AK5: variants seen among roughly 807,000 people sequenced by gnomAD.
AK5 encodes the protein adenylate kinase isoenzyme 5.
In AK5, 27 loss-of-function variants were observed where a neutral mutation model predicts 69.5. The observed-to-expected ratio is 0.39, with a 90% confidence interval of 0.29 to 0.54. The LOEUF (loss-of-function observed/expected upper bound fraction) is 0.54. Ranked by LOEUF, AK5 falls within the 20% of genes least tolerant of loss-of-function variation. The probability of loss-of-function intolerance (pLI) is 0.71; values close to 1 mark genes in which losing one functional copy is unlikely to be tolerated. For synonymous variants in AK5, 260 were observed against 244.4 expected, an observed-to-expected ratio of 1.06 and a Z score of -0.60; for missense variants, 531 against 700.4, an observed-to-expected ratio of 0.76 and a Z score of 2.73.
At chr1:77,446,084 T>C (rs764711849) in intron 8 of AK5, among the ~76,000 whole-genome samples, 2 of 152,232 alleles carry the variant, frequency 1.3e-5, no homozygotes, top group South Asian at 4.1e-4. Flanking sequence ...GGGTCTCTTA[T>C]CCATTTTGAG....
At chr1:77,533,457 A>C (rs544193977) in intron 12 of AK5, among the ~76,000 whole-genome samples, 158 of 141,798 alleles carry the variant, frequency 1.1e-3, no homozygotes, top group South Asian at 4.2e-3. Flanking sequence ...CAGAGGTTGC[A>C]GTGATCACAT....
intron 10 of AK5, among the ~76,000 whole-genome samples, chr1:77,509,580 CAACATA>C (rs1557644293): frequency 1.3e-5 from 2 of 152,092 alleles, no homozygotes; most frequent in Admixed American, 6.5e-5. Context: ...AACCTTAACC[CAACATA>C]GGGACCTATT....
At chr1:77,481,888 A>G (rs984034203) in intron 8 of AK5, among the ~76,000 whole-genome samples, 8 of 152,232 alleles carry the variant, frequency 5.3e-5, no homozygotes, top group African/African-American at 1.9e-4. Context: ...GAAACTACTC[A>G]CTGATCCATC....
chr1:77,530,002 T>C (rs1040837912), intron 12 of AK5, among the ~76,000 whole-genome samples: 1 of 152,354 alleles, frequency 6.6e-6, no homozygotes. Flanking sequence ...CTTACTACTC[T>C]CAACTATCTC....
chr1:77,518,480 T>C, intron 10 of AK5, 84 bp from the exon 11 acceptor site: 2 of 1,436,202 alleles, frequency 1.4e-6, no homozygotes, highest in Non-Finnish European at 1.9e-6. Flanking sequence ...ACTGGAACAC[T>C]GAGGCTTGCT....
chr1:77,491,028 T>C (rs1040731151), intron 10 of AK5, among the ~76,000 whole-genome samples: 6 of 152,194 alleles, frequency 3.9e-5, no homozygotes, highest in African/African-American at 1.4e-4. Flanking sequence ...GCCATAGCTT[T>C]CAATGTGTCT....
At chr1:77,535,558 A>C (rs1194451577) in intron 12 of AK5, among the ~76,000 whole-genome samples, 3 of 152,124 alleles carry the variant, frequency 2.0e-5, no homozygotes, top group African/African-American at 7.2e-5. Flanking sequence ...CTTTCTTCTC[A>C]GTGCAGAAGA....
chr1:77,380,514 G>A (rs1242917717), intron 6 of AK5, among the ~76,000 whole-genome samples: 2 of 152,174 alleles, frequency 1.3e-5, no homozygotes, highest in Non-Finnish European at 2.9e-5. Flanking sequence ...CATTTACAAT[G>A]TACAACACAT....
At chr1:77,554,713 C>T (rs1365561075) in intron 13 of AK5, among the ~76,000 whole-genome samples, 2 of 151,934 alleles carry the variant, frequency 1.3e-5, no homozygotes, top group Admixed American at 6.6e-5. Context: ...TCACGCCATT[C>T]TCCTGCCTGA....
intron 5 of AK5, among the ~76,000 whole-genome samples, chr1:77,330,198 A>G (rs1661014907): frequency 6.6e-6 from 1 of 152,172 alleles, no homozygotes; most frequent in African/African-American, 2.4e-5. Context: ...TCTTACTCTT[A>G]ATGGAGTATT....
intron 13 of AK5, among the ~76,000 whole-genome samples, chr1:77,554,771 A>ATTTTTTTTTT (rs1230738530): frequency 1.2e-4 from 14 of 119,654 alleles, no homozygotes; most frequent in Admixed American, 2.7e-4. Flanking sequence ...ATGCCCGGCT[A>ATTTTTTTTTT]TTTTTTTTTT....
intron 10 of AK5, among the ~76,000 whole-genome samples, chr1:77,509,794 C>T (rs1351155436): frequency 6.6e-6 from 1 of 152,166 alleles, no homozygotes; most frequent in East Asian, 1.9e-4. Context: ...TTTGTAAGCT[C>T]ATGGAATTTT....
intron 7 of AK5, among the ~76,000 whole-genome samples, chr1:77,412,206 G>T (rs946370643): frequency 6.6e-6 from 1 of 152,152 alleles, no homozygotes; most frequent in Middle Eastern, 3.2e-3. Context: ...CTCCCTAGCG[G>T]TGTTTCTCCA....
chr1:77,558,742 C>A lies in AK5; in HGVS notation c.*72C>A. 1 of 1,120,666 alleles carries A rather than the reference C, an allele frequency of 8.9e-7. No individual in the cohort carries two copies. The highest frequency in any genetic ancestry group is 1.4e-6 in the Non-Finnish European group (1 of 739,516). The allele number at this position is 1,120,666 out of a possible 1,614,324, so 69.4% of individuals were successfully genotyped here. A position where few individuals can be genotyped will look rare whatever the true frequency, so the allele number is the denominator to read the frequency against. On this transcript the variant is annotated 3_prime_UTR_variant, in exon 14 of 14. Transcript: ENST00000354567. Reference sequence around the variant, plus strand: ...AAGTTCATTCCTTAACACAATGTTTCAAGTTAAACCTTTTGTGTCACCGCC... The same window carrying A: ...AAGTTCATTCCTTAACACAATGTTTAAAGTTAAACCTTTTGTGTCACCGCC...
At chr1:77,518,280 T>A (rs951165060) in intron 10 of AK5, among the ~76,000 whole-genome samples, 3 of 152,212 alleles carry the variant, frequency 2.0e-5, no homozygotes, top group African/African-American at 7.2e-5. Context: ...ACTAACTGCC[T>A]GTGACCATGG....
At chr1:77,325,707 A>G (rs7536818) in intron 5 of AK5, among the ~76,000 whole-genome samples, 65,634 of 151,308 alleles carry the variant, frequency 0.43, 14,294 homozygotes, top group African/African-American at 0.47. Context: ...TGCTTCTACA[A>G]TGGATTGGGA....
At chr1:77,498,170 A>G (rs1483924047) in intron 10 of AK5, among the ~76,000 whole-genome samples, 2 of 152,124 alleles carry the variant, frequency 1.3e-5, no homozygotes, top group Non-Finnish European at 2.9e-5. Context: ...AAGGGAGGAA[A>G]ATTTTCTTCT....
At chr1:77,299,946 A>G (rs890899159) in intron 5 of AK5, among the ~76,000 whole-genome samples, 4 of 152,330 alleles carry the variant, frequency 2.6e-5, no homozygotes, top group South Asian at 2.1e-4. Context: ...CTTAAAAAAC[A>G]TTAACAAAAT....
intron 8 of AK5, among the ~76,000 whole-genome samples, chr1:77,455,583 T>G (rs1018650626): frequency 6.6e-6 from 1 of 152,210 alleles, no homozygotes; most frequent in African/African-American, 2.4e-5. Context: ...GCCAGAGCCT[T>G]GAACTTCTAC....
Sources: gnomAD v4.1 joint callset for allele counts (sites outside exome capture counted in the v4.1 genomes callset) on GRCh38, gnomAD v4.1.1 for gene constraint, MANE v1.5 for transcripts, NCBI Gene and HGNC (gene_info 2026-07-23, HGNC 2026-07-21) for gene names.